GALNT16: variants seen among roughly 807,000 people sequenced by gnomAD.
GALNT16 encodes polypeptide N-acetylgalactosaminyltransferase 16.
A neutral mutation model predicts 76.1 loss-of-function variants in GALNT16; 40 were observed. That is an observed-to-expected ratio of 0.53 (90% CI 0.41 to 0.68). GALNT16 has a LOEUF of 0.68. GALNT16 is among the 30% of genes least tolerant of loss of function. GALNT16 has a pLI of 0.00. For missense variants in GALNT16, 621 were observed against 731.9 expected (o/e 0.85, Z 1.75); for synonymous variants, 276 against 285.2 (o/e 0.97, Z 0.32).
chr14:69,262,395 C>T (rs902734070), intron 1 of GALNT16, among the ~76,000 whole-genome samples: 3 of 152,148 alleles, frequency 2.0e-5, no homozygotes, highest in African/African-American at 7.2e-5. Context: ...TGTAGGGGAC[C>T]TGCTGGAAGG....
Position 69,260,846 on chromosome 14 carries a change from C to A in GALNT16, c.177+379C>A, listed in dbSNP as rs1011783407. 3.3e-5 allele frequency among the ~76,000 whole-genome samples: 5 copies of A among 151,800 alleles called. 1 individual carries two copies. The highest frequency in any genetic ancestry group is 4.2e-4 in the South Asian group (2 of 4,792). Reference sequence around the variant, plus strand: ...CCGGGCCCAGCGCGCGGCGAGCGGGCGGTGGGAACCACTCGCAGCCGAGCG... The same window carrying A: ...CCGGGCCCAGCGCGCGGCGAGCGGGAGGTGGGAACCACTCGCAGCCGAGCG... On this transcript the variant is annotated intron_variant, in intron 1 of 14. Transcript: ENST00000448469.
At chr14:69,304,695 T>C (rs1437734943) in intron 1 of GALNT16, among the ~76,000 whole-genome samples, 2 of 152,356 alleles carry the variant, frequency 1.3e-5, no homozygotes, top group East Asian at 3.9e-4. Flanking sequence ...ATATTTTAGA[T>C]ACTTTAAATA....
chr14:69,337,541 G>GC (rs1434184575), intron 9 of GALNT16, among the ~76,000 whole-genome samples: 1 of 152,188 alleles, frequency 6.6e-6, no homozygotes, highest in Non-Finnish European at 1.5e-5. Flanking sequence ...CAGATCTTCG[G>GC]CCCCCCAGGA....
In GALNT16 at chr14:69,341,698, A is replaced by T. The variant is rs143736198; in HGVS notation, c.1205A>T (p.Glu402Val). The part of the protein sequence containing the change: ...KAFGSVATRI[E>V]QRKKMNCKSF... ...TCCTACAGTGTGGCTACGCGGATAGAGCAGAGGAAGAAGATGAACTGCAAG... is the reference window on the plus strand; with the variant it reads ...TCCTACAGTGTGGCTACGCGGATAGTGCAGAGGAAGAAGATGAACTGCAAG... The change falls in exon 12 of 15, where the codon GAG becomes GTG. Residue 402 changes from glutamate to valine, a missense_variant. Glu to Val is a moderately radical substitution (Grantham distance 121, BLOSUM62 -2). Transcript: ENST00000448469. 43 of 1,612,414 alleles carry T rather than the reference A, an allele frequency of 2.7e-5. No homozygotes were observed. In the African/African-American group the frequency reaches 5.1e-4, roughly 19 times the overall value.
intron 1 of GALNT16, among the ~76,000 whole-genome samples, chr14:69,289,512 G>A (rs901700212): frequency 6.6e-6 from 1 of 152,150 alleles, no homozygotes; most frequent in South Asian, 2.1e-4. Context: ...TGTTGGCTCG[G>A]CCTATGTCCT....
chr14:69,292,309 G>A (rs557789484), intron 1 of GALNT16, among the ~76,000 whole-genome samples: 1 of 152,338 alleles, frequency 6.6e-6, no homozygotes, highest in African/African-American at 2.4e-5. Context: ...CTGGCATGCT[G>A]GACCACATCT....
chr14:69,385,440 C>T, the GALNT16 span, among the ~76,000 whole-genome samples: 2 of 152,038 alleles, frequency 1.3e-5, no homozygotes, highest in South Asian at 2.1e-4. Flanking sequence ...AGATAATTCC[C>T]CCCAGCTCCC....
rs2044243735 is a variant in GALNT16 at position 69,260,234 on chromosome 14, C to T, written c.-57C>T. Reference sequence around the variant, plus strand: ...CAGCTGGGGCTGCGAGCGCCCCCGCCCCGGCCCCGAGAGCACGCCGGCCCA... The same window carrying T: ...CAGCTGGGGCTGCGAGCGCCCCCGCTCCGGCCCCGAGAGCACGCCGGCCCA... On this transcript the variant is annotated 5_prime_UTR_variant, in exon 1 of 15. Coordinates refer to ENST00000448469, the MANE Select transcript of GALNT16 (RefSeq NM_001168368.2). 1 of 1,490,134 alleles carries T rather than the reference C, an allele frequency of 6.7e-7. No individual in the cohort carries two copies. Among genetic ancestry groups the T allele is most frequent in the African/African-American group, 1.4e-5 (1 of 72,420 alleles). The allele number at this position is 1,490,134 out of a possible 1,614,324, so 92.3% of individuals were successfully genotyped here. A position where few individuals can be genotyped will look rare whatever the true frequency, so the allele number is the denominator to read the frequency against.
chr14:69,346,397 G>A (rs2045564765), intron 12 of GALNT16, among the ~76,000 whole-genome samples: 1 of 152,156 alleles, frequency 6.6e-6, no homozygotes, highest in South Asian at 2.1e-4. Flanking sequence ...AAAGATGTGT[G>A]CATTTTTAAG....
At chr14:69,345,260 G>T (rs1229735757) in intron 12 of GALNT16, among the ~76,000 whole-genome samples, 1 of 152,190 alleles carries the variant, frequency 6.6e-6, no homozygotes, top group Non-Finnish European at 1.5e-5. Context: ...ATTCAGCTTG[G>T]CAGCCAGCAG....
chr14:69,347,324 T>G, intron 13 of GALNT16, 143 bp downstream of exon 13: 1 of 686,634 alleles, frequency 1.5e-6, no homozygotes, highest in Non-Finnish European at 2.4e-6. Flanking sequence ...TAGACCCTGC[T>G]CCTACACATT....
At chr14:69,315,544 C>A (rs2045088208) in intron 1 of GALNT16, among the ~76,000 whole-genome samples, 1 of 152,208 alleles carries the variant, frequency 6.6e-6, no homozygotes, top group Non-Finnish European at 1.5e-5. Flanking sequence ...CTGAACACCG[C>A]CCTGCCTGCT....
chr14:69,351,879 G>A (rs894271454), intron 14 of GALNT16, 152 bp from the exon 15 acceptor site: 1 of 687,382 alleles, frequency 1.5e-6, no homozygotes, highest in African/African-American at 1.8e-5. Context: ...ACCACTGTAA[G>A]AACAAGGTCA....
At chr14:69,369,640 A>G in the GALNT16 span, among the ~76,000 whole-genome samples, 1 of 152,248 alleles carries the variant, frequency 6.6e-6, no homozygotes, top group South Asian at 2.1e-4. Flanking sequence ...CACGTTACCT[A>G]CAGAGTGACG....
At chr14:69,380,714 C>T in the GALNT16 span, 1 of 821,884 alleles carries the variant, frequency 1.2e-6, no homozygotes, top group Non-Finnish European at 2.1e-6. Flanking sequence ...CAAATTATAA[C>T]TGCCCAATGA....
At chr14:69,330,075 G>A (rs1479302468) in intron 6 of GALNT16, among the ~76,000 whole-genome samples, 1 of 152,234 alleles carries the variant, frequency 6.6e-6, no homozygotes, top group African/African-American at 2.4e-5. Flanking sequence ...TGACCCAGCA[G>A]TGGAGCTGCT....
At chr14:69,376,097 C>T in the GALNT16 span, among the ~76,000 whole-genome samples, 4 of 149,956 alleles carry the variant, frequency 2.7e-5, no homozygotes, top group Non-Finnish European at 5.9e-5. Flanking sequence ...AGTACAGTGA[C>T]GTGATCATAG....
At chr14:69,325,290 G>A (rs768243122) in intron 3 of GALNT16, 47 bp from the exon 4 acceptor site, 3 of 1,203,276 alleles carry the variant, frequency 2.5e-6, no homozygotes, top group Admixed American at 3.4e-5. Flanking sequence ...AAAATGGGAG[G>A]TGGTTCCTAA....
the GALNT16 span, among the ~76,000 whole-genome samples, chr14:69,366,312 C>T: frequency 1.3e-5 from 2 of 152,214 alleles, no homozygotes; most frequent in South Asian, 2.1e-4. Context: ...ATCCAGTTGC[C>T]CTCTCATTCA....
Sources: allele counts gnomAD v4.1 joint callset (sites outside exome capture counted in the v4.1 genomes callset), GRCh38; gene constraint gnomAD v4.1.1; transcripts MANE v1.5; gene names NCBI Gene and HGNC (gene_info 2026-07-23, HGNC 2026-07-21).